TMC2: variants seen among roughly 807,000 people sequenced by gnomAD.
The protein encoded by TMC2 is transmembrane channel like 2.
TMC2 carries 102 observed loss-of-function variants against 105.9 expected under a neutral mutation model. The observed-to-expected ratio is 0.96, with a 90% CI of 0.82 to 1.14. The LOEUF is 1.14. Among genes scored for constraint, TMC2 ranks in the 50% most tolerant of loss-of-function variants. The probability of loss-of-function intolerance (pLI) is 0.00; values close to 1 mark genes in which losing one functional copy is unlikely to be tolerated. For missense variants in TMC2, 1,093 were observed against 1,134.3 expected (o/e 0.96, Z 0.52); for synonymous variants, 402 against 422.8 (o/e 0.95, Z 0.60).
At chr20:2,608,571 A>G (rs939848430) in intron 11 of TMC2, among the ~76,000 whole-genome samples, 1 of 151,754 alleles carries the variant, frequency 6.6e-6, no homozygotes, top group African/African-American at 2.4e-5. Flanking sequence ...CAGGTGATCC[A>G]CCTGCCTCAG....
chr20:2,551,590 A>G (rs1391094530), intron 2 of TMC2, among the ~76,000 whole-genome samples: 1 of 151,940 alleles, frequency 6.6e-6, no homozygotes, highest in Admixed American at 6.6e-5. Context: ...AGGCCATTGC[A>G]GTTTTCTCCT....
rs1555774377 is a variant in TMC2 at position 2,589,270 on chromosome 20, C to CTTTG, written c.835-3039_835-3038insTTGT. 4.4e-3 allele frequency among the ~76,000 whole-genome samples: 507 copies of CTTTG among 116,350 alleles called. 8 individuals carry two copies. Among genetic ancestry groups the CTTTG allele is most frequent in the African/African-American group, 0.018 (452 of 25,822 alleles). The allele number at this position is 116,350 out of a possible 152,430, so 76.3% of individuals were successfully genotyped here. A position where few individuals can be genotyped will look rare whatever the true frequency, so the allele number is the denominator to read the frequency against. Reference sequence around the variant, plus strand: ...TTTTCCAGATATCTTCCTATTTGCCCTGTGTGTGTGTGTGTGTGTGTGTGT... The same window carrying CTTTG: ...TTTTCCAGATATCTTCCTATTTGCCCTTTGTGTGTGTGTGTGTGTGTGTGTGTGT... On this transcript the variant is annotated intron_variant, in intron 7 of 19. Coordinates refer to ENST00000358864, the MANE Select transcript of TMC2 (RefSeq NM_080751.3).
At chr20:2,543,380 G>T (rs1041827991) in intron 2 of TMC2, among the ~76,000 whole-genome samples, 1 of 152,228 alleles carries the variant, frequency 6.6e-6, no homozygotes. Flanking sequence ...TTACAGAGGG[G>T]AAGGAAGGCC....
chr20:2,634,360 C>T (rs147255677), intron 17 of TMC2, among the ~76,000 whole-genome samples: 5 of 152,208 alleles, frequency 3.3e-5, no homozygotes, highest in African/African-American at 1.2e-4. Context: ...AATGTAGAAT[C>T]CTTTCATTTG....
At chr20:2,586,097 C>G (rs1197937302) in intron 7 of TMC2, among the ~76,000 whole-genome samples, 2 of 152,268 alleles carry the variant, frequency 1.3e-5, no homozygotes, top group South Asian at 2.1e-4. Flanking sequence ...ACTCGCCCCT[C>G]CTCAAGGCCT....
intron 17 of TMC2, among the ~76,000 whole-genome samples, chr20:2,629,370 A>C (rs901870150): frequency 1.3e-5 from 2 of 152,020 alleles, no homozygotes; most frequent in African/African-American, 4.8e-5. Context: ...TAATGTTTTC[A>C]GTTAAGCACA....
intron 11 of TMC2, among the ~76,000 whole-genome samples, chr20:2,604,600 A>G (rs1185882116): frequency 6.6e-6 from 1 of 152,146 alleles, no homozygotes. Context: ...TGCTAGTAAG[A>G]TGACTGGTTG....
At position 2,592,488 on chromosome 20, in the gene TMC2, C is replaced by T. The variant is rs939516517; in HGVS notation, c.933+80C>T. 22 of 988,752 alleles carry T rather than the reference C, an allele frequency of 2.2e-5. No individual in the cohort carries two copies. The highest frequency in any genetic ancestry group is 5.3e-5 in the Admixed American group (3 of 56,584). 61.2% of individuals were successfully genotyped at this position (988,752 alleles called of 1,614,324 possible). On this transcript the variant is annotated intron_variant, in intron 8 of 19. Transcript: ENST00000358864. The surrounding 1 kb of genome is among the most constrained non-coding windows in gnomAD (Gnocchi z 4.9). ...TTGCATGGATAAGTATGAAATAGTG[C>T]GTTTAATTATTGAAAAACCATTGCT... is the stretch of plus-strand genomic sequence containing the variant.
intron 13 of TMC2, among the ~76,000 whole-genome samples, chr20:2,612,964 G>T (rs1000032109): frequency 6.6e-5 from 10 of 152,190 alleles, no homozygotes; most frequent in African/African-American, 1.4e-4. Context: ...ACTTCAAGAG[G>T]TTCAGAGATT....
At chr20:2,545,912 G>T (rs1342036592) in intron 2 of TMC2, among the ~76,000 whole-genome samples, 1 of 145,220 alleles carries the variant, frequency 6.9e-6, no homozygotes, top group African/African-American at 2.7e-5. Context: ...AAGAAAAAAA[G>T]AAAGAAATGA....
At chr20:2,614,745 G>A (rs540563028) in intron 14 of TMC2, among the ~76,000 whole-genome samples, 1 of 152,034 alleles carries the variant, frequency 6.6e-6, no homozygotes, top group East Asian at 1.9e-4. Flanking sequence ...TATCTACATG[G>A]GCCTTTAGTT....
chr20:2,570,803 CAT>C (rs2086097820), intron 4 of TMC2, among the ~76,000 whole-genome samples: 2 of 152,154 alleles, frequency 1.3e-5, no homozygotes, highest in Non-Finnish European at 2.9e-5. Context: ...AAAACAGACA[CAT>C]AGACCAATGG....
intron 7 of TMC2, among the ~76,000 whole-genome samples, chr20:2,581,229 G>A (rs2086187248): frequency 6.6e-6 from 1 of 152,178 alleles, no homozygotes; most frequent in Admixed American, 6.5e-5. Context: ...TTTATTGGAG[G>A]AGGTTGACCA....
chr20:2,558,858 A>T lies in TMC2; in HGVS notation c.401+84A>T, dbSNP rs1600100211. 7 of 1,359,784 alleles carry T rather than the reference A, an allele frequency of 5.1e-6. No individual in the cohort carries two copies. In the East Asian group the frequency reaches 1.5e-4, roughly 29 times the overall value. The allele number at this position is 1,359,784 out of a possible 1,614,324, so 84.2% of individuals were successfully genotyped here. On this transcript the variant is annotated intron_variant, in intron 3 of 19. Coordinates refer to ENST00000358864, the MANE Select transcript of TMC2 (RefSeq NM_080751.3). This position sits in a 1 kb window ranked among gnomAD's most constrained non-coding sequence, Gnocchi z 4.6. ...CTTCCCCTTCCCCCGTGAGGGACTG[A>T]TGCCCCCCTCCCCGGGGAGAGGCAG...
intron 11 of TMC2, among the ~76,000 whole-genome samples, chr20:2,608,789 T>C (rs2086413242): frequency 6.6e-6 from 1 of 152,236 alleles, no homozygotes; most frequent in African/African-American, 2.4e-5. Context: ...ATTATATACT[T>C]AAAGTATTTA....
chr20:2,543,746 C>T (rs1372421318), intron 2 of TMC2, among the ~76,000 whole-genome samples: 2 of 152,124 alleles, frequency 1.3e-5, no homozygotes, highest in Admixed American at 6.6e-5. Flanking sequence ...TCAATTTCTC[C>T]TTGTGGTCAT....
intron 11 of TMC2, 95 bp downstream of exon 11, chr20:2,602,396 T>A: frequency 1.1e-6 from 1 of 941,166 alleles, no homozygotes; most frequent in Non-Finnish European, 1.5e-6. Context: ...AAGTCTGGAT[T>A]ATAGGCTTGT....
intron 17 of TMC2, among the ~76,000 whole-genome samples, chr20:2,633,816 G>A (rs1490523525): frequency 2.0e-5 from 3 of 152,168 alleles, no homozygotes; most frequent in Non-Finnish European, 4.4e-5. Flanking sequence ...TGTTCTTGCT[G>A]GAATTTAGCT....
At chr20:2,583,318 T>C (rs891990600) in intron 7 of TMC2, among the ~76,000 whole-genome samples, 1 of 152,224 alleles carries the variant, frequency 6.6e-6, no homozygotes, top group Admixed American at 6.5e-5. Flanking sequence ...CTCTGTTGAT[T>C]CCCTTCTTGG....
Sources: gnomAD v4.1 joint callset for allele counts (sites outside exome capture counted in the v4.1 genomes callset) on GRCh38, gnomAD v4.1.1 for gene constraint, Gnocchi (gnomAD v3.1) non-coding constraint, MANE v1.5 for transcripts, NCBI Gene and HGNC (gene_info 2026-07-23, HGNC 2026-07-21) for gene names.